Variants in SLC6A3 observed in about 807,000 individuals in gnomAD.
The protein encoded by SLC6A3 is sodium-dependent dopamine transporter.
SLC6A3 carries 19 observed loss-of-function variants against 70.4 expected under a neutral mutation model. The observed-to-expected ratio is 0.27, with a 90% confidence interval of 0.19 to 0.40. The LOEUF is 0.40. Ranked by LOEUF, SLC6A3 falls within the 10% of genes least tolerant of loss-of-function variation. The pLI is 1.00. For synonymous variants in SLC6A3, 368 were observed against 356.6 expected (o/e 1.03, Z -0.36); for missense variants, 613 against 838.5 (o/e 0.73, Z 3.32).
chr5:1,414,491 T>TGGGTGGGGGGCCTGGAGAGG, intron 8 of SLC6A3, among the ~76,000 whole-genome samples, 200 bp downstream of exon 8: 1 of 28,856 alleles, frequency 3.5e-5, no homozygotes, highest in East Asian at 9.6e-4. Context: ...GCCTGGAGGG[T>TGGGTGGGGGGCCTGGAGAGG]CAGGGCGGGG....
intron 4 of SLC6A3, among the ~76,000 whole-genome samples, chr5:1,426,214 A>G (rs1017885756): frequency 1.3e-5 from 2 of 152,194 alleles, no homozygotes; most frequent in African/African-American, 4.8e-5. Flanking sequence ...AGTAGCCAAA[A>G]TGTGGAAGCA....
At position 1,437,773 on chromosome 5, in the gene SLC6A3, T is replaced by C. The variant is rs2927683; in HGVS notation, c.418+3586A>G. ...GGAACAACCAGGCTTCCTGGAGAGC[T>C]GGCTTCATTCCCCCATGGAATTGCC... On this transcript the variant is annotated intron_variant, in intron 3 of 14. Coordinates refer to ENST00000270349, the MANE Select transcript of SLC6A3 (RefSeq NM_001044.5). The surrounding 1 kb of genome is among the most constrained non-coding windows in gnomAD (Gnocchi z 4.8). 0.037 allele frequency among the ~76,000 whole-genome samples: 5,635 copies of C among 152,336 alleles called. 334 individuals are homozygous for C. Among genetic ancestry groups the C allele is most frequent in the African/African-American group, 0.12 (5,112 of 41,558 alleles).
rs1733716738 is a variant in SLC6A3 at position 1,442,979 on chromosome 5, G to A, written c.219C>T (p.Val73=). The A allele has an allele frequency of 6.2e-7, 1 of 1,614,234 alleles. No homozygotes were observed. The highest frequency in any genetic ancestry group is 8.5e-7 in the Non-Finnish European group (1 of 1,180,048). ...TGGCCAGGTCCACAGCAAAGCCAAT[G>A]ACGGACAGGAGAAAGTCGATCTTCT... is the stretch of plus-strand genomic sequence containing the variant. ...WGKKIDFLLS[V]IGFAVDLANV... is the part of the protein sequence containing the mutation. The change falls in exon 2 of 15, where the codon GTC becomes GTT. Residue 73 remains valine (V), a synonymous_variant. Transcript: ENST00000270349. This position sits in a 1 kb window ranked among gnomAD's most constrained non-coding sequence, Gnocchi z 5.0.
chr5:1,441,785 C>G (rs1465890091), intron 2 of SLC6A3, among the ~76,000 whole-genome samples: 1 of 152,182 alleles, frequency 6.6e-6, no homozygotes, highest in African/African-American at 2.4e-5. Context: ...GCTCTAGGTA[C>G]TATCCTTCCC....
At position 1,404,671 on chromosome 5, in the gene SLC6A3, T is replaced by A. The variant is rs1461569275; in HGVS notation, c.1599+1517A>T. ...CTATGCCGCAGCCTGAAGAAACAGA[T>A]GATAACACAGACGTTATGTTTCTGC... On this transcript the variant is annotated intron_variant, in intron 12 of 14. Coordinates refer to ENST00000270349, the MANE Select transcript of SLC6A3 (RefSeq NM_001044.5). This position sits in a 1 kb window ranked among gnomAD's most constrained non-coding sequence, Gnocchi z 5.2. Among the ~76,000 whole-genome samples, 1 of 152,220 alleles carries A rather than the reference T, an allele frequency of 6.6e-6. No individual in the cohort carries two copies. Among genetic ancestry groups the A allele is most frequent in the African/African-American group, 2.4e-5 (1 of 41,456 alleles).
rs186558163 is a variant in SLC6A3 at position 1,415,989 on chromosome 5, G to A, written c.1031+109C>T. 202 of 822,768 alleles carry A rather than the reference G, an allele frequency of 2.5e-4. No individual in the cohort carries two copies. The African/African-American group carries it at 2.5e-3, about 10-fold the overall frequency. The allele number at this position is 822,768 out of a possible 1,614,324, so 51.0% of individuals were successfully genotyped here. On this transcript the variant is annotated intron_variant, in intron 7 of 14. Coordinates refer to ENST00000270349, the MANE Select transcript of SLC6A3 (RefSeq NM_001044.5). ...AAGGCCACGCAGCTCACAGGTTTGCGGGTTCAGTGGATCCGCCCTGTTCTC... is the reference window on the plus strand; with the variant it reads ...AAGGCCACGCAGCTCACAGGTTTGCAGGTTCAGTGGATCCGCCCTGTTCTC...
chr5:1,394,602 T>G lies in SLC6A3; in HGVS notation c.*133A>C. ...AGTCAGAAGAGAGGAGTCTTCTGCTTTGTTGTTTGTGTTTTCAGTAGAGGT... is the reference window on the plus strand; with the variant it reads ...AGTCAGAAGAGAGGAGTCTTCTGCTGTGTTGTTTGTGTTTTCAGTAGAGGT... On this transcript the variant is annotated 3_prime_UTR_variant, in exon 15 of 15. Transcript: ENST00000270349. The surrounding 1 kb of genome is among the most constrained non-coding windows in gnomAD (Gnocchi z 4.7). The G allele has an allele frequency of 1.5e-5, 13 of 883,880 alleles. No individual in the cohort carries two copies. Among genetic ancestry groups the G allele is most frequent in the Non-Finnish European group, 1.9e-5 (10 of 518,880 alleles). 54.8% of individuals were successfully genotyped at this position (883,880 alleles called of 1,614,324 possible). A position where few individuals can be genotyped will look rare whatever the true frequency, so the allele number is the denominator to read the frequency against.
chr5:1,435,339 A>C (rs959524643), intron 3 of SLC6A3, among the ~76,000 whole-genome samples: 6 of 152,220 alleles, frequency 3.9e-5, no homozygotes, highest in Non-Finnish European at 7.3e-5. Context: ...GCCCAATTTG[A>C]AAATTTTTCA....
Position 1,402,347 on chromosome 5 carries a change from A to G in SLC6A3, c.1767+575T>C, listed in dbSNP as rs892889221. On this transcript the variant is annotated intron_variant, in intron 13 of 14. Coordinates refer to ENST00000270349, the MANE Select transcript of SLC6A3 (RefSeq NM_001044.5). This position sits in a 1 kb window ranked among gnomAD's most constrained non-coding sequence, Gnocchi z 8.5. ...ACACAAAGGCGGCAAAACCAAGCAGAAGAAAGGAGATGCATATCAGTGACT... is the reference window on the plus strand; with the variant it reads ...ACACAAAGGCGGCAAAACCAAGCAGGAGAAAGGAGATGCATATCAGTGACT... Among the ~76,000 whole-genome samples, 1 of 151,402 alleles carries G rather than the reference A, an allele frequency of 6.6e-6. No individual in the cohort carries two copies. The highest frequency in any genetic ancestry group is 1.5e-5 in the Non-Finnish European group (1 of 67,904).
At position 1,437,576 on chromosome 5, in the gene SLC6A3, T is replaced by G. The variant is rs1204592276; in HGVS notation, c.418+3783A>C. 6.6e-6 allele frequency among the ~76,000 whole-genome samples: 1 copy of G among 152,254 alleles called. No homozygotes were observed. The highest frequency in any genetic ancestry group is 2.4e-5 in the African/African-American group (1 of 41,474). Reference sequence around the variant, plus strand: ...TGAAGGCCCCAGAGGCCCCTCTGGCTGTGGTGCCCATCCCAAGCTGCTCTG... The same window carrying G: ...TGAAGGCCCCAGAGGCCCCTCTGGCGGTGGTGCCCATCCCAAGCTGCTCTG... On this transcript the variant is annotated intron_variant, in intron 3 of 14. Coordinates refer to ENST00000270349, the MANE Select transcript of SLC6A3 (RefSeq NM_001044.5). The surrounding 1 kb of genome is among the most constrained non-coding windows in gnomAD (Gnocchi z 4.8).
At chr5:1,429,696 C>T (rs561293227) in intron 4 of SLC6A3, among the ~76,000 whole-genome samples, 12 of 152,310 alleles carry the variant, frequency 7.9e-5, no homozygotes, top group African/African-American at 2.9e-4. Context: ...CGTTGGGTAC[C>T]GGGAACTCTC....
chr5:1,395,641 G>C (rs1330713350), intron 14 of SLC6A3, among the ~76,000 whole-genome samples: 3 of 152,220 alleles, frequency 2.0e-5, no homozygotes, highest in Non-Finnish European at 4.4e-5. Context: ...GTGCAGCTCG[G>C]GGCTCAGTGA....
chr5:1,410,809 TGTGTGTGCATGC>T (rs1407224736), intron 9 of SLC6A3, among the ~76,000 whole-genome samples: 34 of 151,904 alleles, frequency 2.2e-4, no homozygotes, highest in African/African-American at 7.7e-4. Flanking sequence ...TGTGTGTATG[TGTGTGTGCATGC>T]GTGTGTGCAT....
rs1755969634 is a variant in SLC6A3 at position 1,405,997 on chromosome 5, G to A, written c.1599+191C>T. ...TGAGGTTTTTTCGGTGGGTCTAGAG[G>A]GGAGGGTGGAAGCCACCTTAAGGAG... On this transcript the variant is annotated intron_variant, in intron 12 of 14. Coordinates refer to ENST00000270349, the MANE Select transcript of SLC6A3 (RefSeq NM_001044.5). This position sits in a 1 kb window ranked among gnomAD's most constrained non-coding sequence, Gnocchi z 5.3. Among the ~76,000 whole-genome samples, 1 of 152,224 alleles carries A rather than the reference G, an allele frequency of 6.6e-6. No individual in the cohort carries two copies. The highest frequency in any genetic ancestry group is 2.4e-5 in the African/African-American group (1 of 41,462).
intron 6 of SLC6A3, among the ~76,000 whole-genome samples, chr5:1,418,381 CATCTATT>C (rs1489033079): frequency 6.6e-6 from 1 of 152,144 alleles, no homozygotes; most frequent in Non-Finnish European, 1.5e-5. Context: ...ATCAATCCAT[CATCTATT>C]ATCTATCAAT....
intron 9 of SLC6A3, among the ~76,000 whole-genome samples, chr5:1,410,964 A>G (rs1238174971): frequency 6.6e-6 from 1 of 151,776 alleles, no homozygotes; most frequent in Non-Finnish European, 1.5e-5. Context: ...GTGTGTGTGC[A>G]TGTGTGTGCA....
chr5:1,398,006 T>A (rs1465124793), intron 14 of SLC6A3, among the ~76,000 whole-genome samples: 2 of 152,198 alleles, frequency 1.3e-5, no homozygotes, highest in Non-Finnish European at 2.9e-5. Flanking sequence ...GGTTAAAATA[T>A]GGTTTCTCTG....
In SLC6A3 at chr5:1,438,053, C is replaced by T. The variant is rs138509926; in HGVS notation, c.418+3306G>A. 7.2e-5 allele frequency among the ~76,000 whole-genome samples: 11 copies of T among 152,330 alleles called. No homozygotes were observed. The South Asian group carries it at 2.1e-3, about 29-fold the overall frequency. Reference sequence around the variant, plus strand: ...GCGCTTGACAGGTAGGCAGAACAAACGGGACGCTGGCACCGGAACCTGCAG... The same window carrying T: ...GCGCTTGACAGGTAGGCAGAACAAATGGGACGCTGGCACCGGAACCTGCAG... On this transcript the variant is annotated intron_variant, in intron 3 of 14. Coordinates refer to ENST00000270349, the MANE Select transcript of SLC6A3 (RefSeq NM_001044.5). This position sits in a 1 kb window ranked among gnomAD's most constrained non-coding sequence, Gnocchi z 6.5.
At chr5:1,429,977 C>G (rs1196684227) in intron 4 of SLC6A3, among the ~76,000 whole-genome samples, 1 of 152,198 alleles carries the variant, frequency 6.6e-6, no homozygotes, top group Non-Finnish European at 1.5e-5. Context: ...ATTATTTGGA[C>G]AATTTTATCA....
Sources: gnomAD v4.1 joint callset for allele counts (sites outside exome capture counted in the v4.1 genomes callset) on GRCh38, gnomAD v4.1.1 for gene constraint, Gnocchi (gnomAD v3.1) non-coding constraint, MANE v1.5 for transcripts, NCBI Gene and HGNC (gene_info 2026-07-23, HGNC 2026-07-21) for gene names.